PCNX1: variants seen among roughly 807,000 people sequenced by gnomAD.
PCNX1 encodes pecanex-like protein 1.
Under a neutral mutation model 242.2 loss-of-function variants are expected in PCNX1, and 78 were observed. The ratio of observed to expected loss-of-function variants is 0.32; its 90% CI spans 0.27 to 0.39. The LOEUF (loss-of-function observed/expected upper bound fraction) is 0.39, where lower values mean the gene tolerates loss of function less well. Ranked by LOEUF, PCNX1 falls within the 10% of genes least tolerant of loss-of-function variation. The pLI is 1.00. For synonymous variants in PCNX1, 1,024 were observed against 1,032.9 expected, an observed-to-expected ratio of 0.99 and a Z score of 0.17; for missense variants, 2,581 against 2,856.5, an observed-to-expected ratio of 0.90 and a Z score of 2.20.
At chr14:70,910,494 G>C (rs1203350838) in intron 1 of PCNX1, among the ~76,000 whole-genome samples, 1 of 151,724 alleles carries the variant, frequency 6.6e-6, no homozygotes, top group African/African-American at 2.4e-5. Context: ...CTGCTTCAGC[G>C]CCTTTGTGCT....
intron 8 of PCNX1, among the ~76,000 whole-genome samples, chr14:71,006,151 GTGTGTGTGTGTGTGTGTGTA>G: frequency 8.7e-6 from 1 of 115,136 alleles, no homozygotes; most frequent in African/African-American, 4.1e-5. Flanking sequence ...GTGTGTGTGT[GTGTGTGTGTGTGTGTGTGTA>G]GAGATGAGGT....
At chr14:71,042,335 T>C (rs193144871) in intron 19 of PCNX1, among the ~76,000 whole-genome samples, 19 of 152,290 alleles carry the variant, frequency 1.2e-4, no homozygotes, top group Admixed American at 3.3e-4. Flanking sequence ...TTGCCTTATG[T>C]ATCTGGGTGC....
chr14:70,977,108 C>A lies in PCNX1; in HGVS notation c.771C>A (p.Ser257Arg). Residue 257 changes from serine (S) to arginine (R), a missense_variant, in exon 6 of 36, where the codon AGC becomes AGA. Around this residue, in one of 9 missense-constraint regions of PCNX1, gnomAD observed 1,204 missense variants for 1,216.7 expected, o/e 0.99. Transcript: ENST00000304743. ...HHHHVDQSLS[S>R]ACDTEVASLV... ...ACCATGTTGATCAGTCTCTGTCCAGCGCCTGTGACACAGAAGTAGCTTCTC... is the reference window on the plus strand; with the variant it reads ...ACCATGTTGATCAGTCTCTGTCCAGAGCCTGTGACACAGAAGTAGCTTCTC... The A allele has an allele frequency of 6.2e-7, 1 of 1,614,142 alleles. No individual in the cohort carries two copies. The highest frequency in any genetic ancestry group is 1.1e-5 in the South Asian group (1 of 91,082).
At chr14:71,062,313 T>A (rs1046231355) in intron 26 of PCNX1, among the ~76,000 whole-genome samples, 16 of 152,122 alleles carry the variant, frequency 1.1e-4, no homozygotes, top group East Asian at 3.9e-4. Flanking sequence ...CCAGTGATAT[T>A]GATGACCCTG....
rs1292355884 is a variant in PCNX1, at chr14:71,114,956, G to T, written c.*5021G>T. ...AAATAATAGAAATGGGGGGGGGGGGGGGAATCATGTCTGCTTATGCTTTTT... is the reference window on the plus strand; with the variant it reads ...AAATAATAGAAATGGGGGGGGGGGGTGGAATCATGTCTGCTTATGCTTTTT... On this transcript the variant is annotated 3_prime_UTR_variant, in exon 36 of 36. Coordinates refer to ENST00000304743, the MANE Select transcript of PCNX1 (RefSeq NM_014982.3). The T allele has an allele frequency of 1.9e-5, 2 of 104,678 alleles. No individual in the cohort carries two copies. Among genetic ancestry groups the T allele is most frequent in the South Asian group, 4.4e-4 (1 of 2,296 alleles). The allele number at this position is 104,678 out of a possible 1,614,324, so 6.5% of individuals were successfully genotyped here. A position where few individuals can be genotyped will look rare whatever the true frequency, so the allele number is the denominator to read the frequency against.
Position 71,068,195 on chromosome 14 carries a change from G to A in PCNX1, c.4853-5350G>A, listed in dbSNP as rs2061495061. ...TACAAAAAAAAATTAGCCAGGCATGGTGGTGGACACCTGTAATCCCAACTA... is the reference window on the plus strand; with the variant it reads ...TACAAAAAAAAATTAGCCAGGCATGATGGTGGACACCTGTAATCCCAACTA... On this transcript the variant is annotated intron_variant, in intron 26 of 35. Transcript: ENST00000304743. 2.0e-5 allele frequency among the ~76,000 whole-genome samples: 3 copies of A among 151,856 alleles called. No homozygotes were observed. In the South Asian group the frequency reaches 6.2e-4, roughly 31 times the overall value.
At chr14:70,985,596 G>A (rs1036425581) in intron 6 of PCNX1, among the ~76,000 whole-genome samples, 12 of 152,112 alleles carry the variant, frequency 7.9e-5, no homozygotes, top group Non-Finnish European at 1.3e-4. Context: ...AGATTTGTAC[G>A]TTAGAAAAAA....
intron 10 of PCNX1, 46 bp from the exon 11 acceptor site, chr14:71,012,939 A>G (rs745481736): frequency 8.6e-7 from 1 of 1,167,334 alleles, no homozygotes; most frequent in South Asian, 1.2e-5. Flanking sequence ...CATATTAAAT[A>G]AATATTGAAG....
intron 7 of PCNX1, 124 bp downstream of exon 7, chr14:70,988,823 A>C: frequency 8.4e-7 from 1 of 1,196,236 alleles, no homozygotes; most frequent in Non-Finnish European, 1.2e-6. Context: ...TCTTTCCTAT[A>C]CATTTAAGCC....
chr14:71,069,150 A>G (rs944312405), intron 26 of PCNX1, among the ~76,000 whole-genome samples: 1 of 152,098 alleles, frequency 6.6e-6, no homozygotes, highest in Admixed American at 6.6e-5. Flanking sequence ...ATCTCTTGAG[A>G]CTTACTTACT....
intron 8 of PCNX1, 44 bp downstream of exon 8, chr14:70,995,969 G>A: frequency 2.8e-6 from 4 of 1,416,396 alleles, no homozygotes; most frequent in Non-Finnish European, 4.0e-6. Flanking sequence ...AAACTTTAAT[G>A]CAGCAGATGA....
At chr14:71,046,253 A>T (rs976607246) in intron 20 of PCNX1, among the ~76,000 whole-genome samples, 1 of 152,148 alleles carries the variant, frequency 6.6e-6, no homozygotes, top group Non-Finnish European at 1.5e-5. Flanking sequence ...CTGCTTTCAT[A>T]TATAAATGAT....
At chr14:71,085,988 C>T (rs541116388) in intron 28 of PCNX1, among the ~76,000 whole-genome samples, 15 of 152,310 alleles carry the variant, frequency 9.8e-5, no homozygotes, top group South Asian at 6.2e-4. Flanking sequence ...AGCTCCCTGA[C>T]GCCCTGTTCA....
intron 5 of PCNX1, among the ~76,000 whole-genome samples, chr14:70,970,393 C>T (rs954508034): frequency 2.0e-5 from 3 of 152,026 alleles, no homozygotes; most frequent in Non-Finnish European, 4.4e-5. Context: ...ACCAATCAAT[C>T]AGTCAATATC....
At chr14:71,066,463 C>G (rs946444111) in intron 26 of PCNX1, among the ~76,000 whole-genome samples, 3 of 152,172 alleles carry the variant, frequency 2.0e-5, no homozygotes, top group African/African-American at 7.2e-5. Flanking sequence ...TGATCTGTAT[C>G]CTGAGACTTT....
intron 23 of PCNX1, among the ~76,000 whole-genome samples, chr14:71,051,330 C>T (rs140138287): frequency 6.6e-6 from 1 of 152,094 alleles, no homozygotes; most frequent in African/African-American, 2.4e-5. Flanking sequence ...TAAAATCTTA[C>T]ATTTGCATAT....
chr14:71,034,446 T>G (rs2060474672), intron 18 of PCNX1, among the ~76,000 whole-genome samples: 1 of 152,184 alleles, frequency 6.6e-6, no homozygotes, highest in South Asian at 2.1e-4. Flanking sequence ...TTAGGTTGTT[T>G]TATTTCTCAA....
chr14:70,914,084 T>A (rs192387424), intron 1 of PCNX1, among the ~76,000 whole-genome samples: 37 of 152,302 alleles, frequency 2.4e-4, no homozygotes, highest in African/African-American at 8.7e-4. Context: ...AAAGATGGTT[T>A]ACACAGAAAA....
At chr14:70,969,293 G>T in intron 5 of PCNX1, 183 bp downstream of exon 5, 1 of 525,588 alleles carries the variant, frequency 1.9e-6, no homozygotes. Context: ...TAGCTTACTT[G>T]AACTCAGTTA....
Sources: gnomAD v4.1 joint callset for allele counts (sites outside exome capture counted in the v4.1 genomes callset) on GRCh38, gnomAD v4.1.1 for gene constraint, gnomAD v4.1.1 regional missense constraint, MANE v1.5 for transcripts, NCBI Gene and HGNC (gene_info 2026-07-23, HGNC 2026-07-21) for gene names.